The following WDR4 variants were observed in gnomAD, a reference collection of about 807,000 sequenced individuals.
WDR4 encodes the protein WDR4 tRNA N7-guanosine methyltransferase non-catalytic subunit.
A neutral mutation model predicts 48.6 loss-of-function variants in WDR4; 47 were observed. That is an observed-to-expected ratio of 0.97 (90% CI 0.77 to 1.23). The LOEUF (loss-of-function observed/expected upper bound fraction) is 1.23, where lower values mean the gene tolerates loss of function less well. Ranked by LOEUF, WDR4 falls within the 50% of genes most tolerant of loss-of-function variation. The pLI is 0.00. For synonymous variants in WDR4, 268 were observed against 230.0 expected (o/e 1.17, Z -1.49); for missense variants, 606 against 551.6 (o/e 1.10, Z -0.99).
chr21:42,866,500 G>A (rs1429918989), intron 3 of WDR4, among the ~76,000 whole-genome samples: 1 of 152,174 alleles, frequency 6.6e-6, no homozygotes, highest in African/African-American at 2.4e-5. Context: ...CTAAGCGTGG[G>A]CGGTTTTCTG....
At chr21:42,890,761 G>A in the WDR4 span, among the ~76,000 whole-genome samples, 3 of 152,160 alleles carry the variant, frequency 2.0e-5, no homozygotes, top group African/African-American at 4.8e-5. Flanking sequence ...CTCTGCTGTC[G>A]GAAAAATCTA....
At chr21:42,878,993 A>G (rs1013021725) in intron 1 of WDR4, 25 of 1,007,932 alleles carry the variant, frequency 2.5e-5, no homozygotes, top group Non-Finnish European at 3.0e-5. Context: ...CCTTCTCACC[A>G]GGGAGACCCG....
chr21:42,863,434 A>G lies in WDR4; in HGVS notation c.453+6T>C. The G allele has an allele frequency of 6.3e-7, 1 of 1,589,830 alleles. No individual in the cohort carries two copies. The highest frequency in any genetic ancestry group is 1.1e-5 in the South Asian group (1 of 89,354). The stretch of plus-strand genomic sequence containing the variant: ...ATGTCCCCCACCTACCACGTCCCCC[A>G]CCTACCACATCTAACAGCATAGACA... On this transcript the variant is annotated splice_donor_region_variant and intron_variant, in intron 4 of 10. Coordinates refer to ENST00000398208, the MANE Select transcript of WDR4 (RefSeq NM_018669.6).
rs781524711 is a variant in WDR4, at chr21:42,862,315, T to C, written c.533A>G (p.His178Arg). The C allele has an allele frequency of 1.1e-5, 17 of 1,611,268 alleles. No homozygotes were observed. The East Asian group carries it at 1.8e-4, about 17-fold the overall frequency. The change falls in exon 5 of 11, where the codon CAT (histidine) becomes CGT (arginine). Residue 178 changes from histidine to arginine, a missense_variant. By Grantham distance (29) the His-to-Arg change is conservative. Transcript: ENST00000398208. The surrounding 1 kb of genome is among the most constrained non-coding windows in gnomAD (Gnocchi z 4.3). ...KIRVSWAAAP[H>R]SIESFCLGHT... is the part of the protein sequence containing the mutation. ...CCCCAAGCAGAAGGACTCGATGCTA[T>C]GGGGCGCCGCGGCCCAGCTGACTCG...
At chr21:42,891,809 T>G in the WDR4 span, among the ~76,000 whole-genome samples, 1 of 151,812 alleles carries the variant, frequency 6.6e-6, no homozygotes, top group East Asian at 1.9e-4. Context: ...ATACAAAAAT[T>G]AGCCGGGCGT....
chr21:42,854,351 A>G (rs1453332055), intron 8 of WDR4, among the ~76,000 whole-genome samples: 1 of 152,220 alleles, frequency 6.6e-6, no homozygotes, highest in Non-Finnish European at 1.5e-5. Flanking sequence ...AGGGGAGTTC[A>G]ACGTCAGGTT....
At chr21:42,846,855 C>G (rs939042663), downstream of WDR4, among the ~76,000 whole-genome samples, 6 of 152,148 alleles carry the variant, frequency 3.9e-5, no homozygotes, top group African/African-American at 1.4e-4. Flanking sequence ...AACCCCATCT[C>G]TACTAAAAAT....
upstream of WDR4, among the ~76,000 whole-genome samples, chr21:42,882,702 CCT>C (rs2058616881): frequency 6.6e-6 from 1 of 152,100 alleles, no homozygotes; most frequent in Non-Finnish European, 1.5e-5. Context: ...GTGACTCACA[CCT>C]GTAATCCCAG....
intron 3 of WDR4, among the ~76,000 whole-genome samples, chr21:42,864,980 A>G (rs952731293): frequency 2.0e-5 from 3 of 152,204 alleles, no homozygotes; most frequent in African/African-American, 7.2e-5. Flanking sequence ...GCAGACAAGT[A>G]CAGGGCGCCC....
At chr21:42,857,841 A>G (rs183037558) in intron 6 of WDR4, among the ~76,000 whole-genome samples, 142 of 152,300 alleles carry the variant, frequency 9.3e-4, no homozygotes, top group African/African-American at 3.2e-3. Context: ...GCTCTCGCCT[A>G]TAATCCCAGT....
upstream of WDR4, among the ~76,000 whole-genome samples, chr21:42,884,154 T>C (rs1164649296): frequency 6.6e-6 from 1 of 152,226 alleles, no homozygotes; most frequent in Non-Finnish European, 1.5e-5. Context: ...ATATCACATA[T>C]ATCACATTTT....
intron 3 of WDR4, among the ~76,000 whole-genome samples, chr21:42,869,298 TC>T (rs2058316335): frequency 6.6e-6 from 1 of 152,152 alleles, no homozygotes; most frequent in East Asian, 1.9e-4. Context: ...GAGAATTCAC[TC>T]CCAACTTCTA....
Position 42,862,468 on chromosome 21 carries a change from G to A in WDR4, c.454-74C>T, listed in dbSNP as rs925929125. The A allele has an allele frequency of 3.5e-6, 5 of 1,416,102 alleles. No homozygotes were observed. The highest frequency in any genetic ancestry group is 4.8e-6 in the Non-Finnish European group (5 of 1,034,542). 87.7% of individuals were successfully genotyped at this position (1,416,102 alleles called of 1,614,324 possible). The stretch of plus-strand genomic sequence containing the variant: ...CCGAATCAAGTCCCTCATGGAAGAA[G>A]GCAGGGAAGCTGCAGCCTGGCCGCC... On this transcript the variant is annotated intron_variant, in intron 4 of 10. Coordinates refer to ENST00000398208, the MANE Select transcript of WDR4 (RefSeq NM_018669.6). This position sits in a 1 kb window ranked among gnomAD's most constrained non-coding sequence, Gnocchi z 4.3.
At chr21:42,891,631 C>G in the WDR4 span, among the ~76,000 whole-genome samples, 1 of 151,956 alleles carries the variant, frequency 6.6e-6, no homozygotes, top group African/African-American at 2.4e-5. Flanking sequence ...GACCTTTTCC[C>G]TGGACACAAC....
intron 10 of WDR4, among the ~76,000 whole-genome samples, chr21:42,851,713 C>G (rs1197205008): frequency 6.6e-6 from 1 of 152,222 alleles, no homozygotes; most frequent in African/African-American, 2.4e-5. Flanking sequence ...TGCTCTCCTT[C>G]CTGCAGCCGC....
rs1304653468 is a variant in WDR4 at position 42,850,461 on chromosome 21, T to C, written c.1046-219A>G. ...GGCTACTAACAGAACGGGGCAAAGA[T>C]GAAAGAATGTAATGGAAACCAGGGC... On this transcript the variant is annotated intron_variant, in intron 10 of 10. Coordinates refer to ENST00000398208, the MANE Select transcript of WDR4 (RefSeq NM_018669.6). 4.6e-5 allele frequency among the ~76,000 whole-genome samples: 7 copies of C among 152,076 alleles called. No homozygotes were observed. The South Asian group carries it at 1.5e-3, about 32-fold the overall frequency.
downstream of WDR4, among the ~76,000 whole-genome samples, chr21:42,846,269 AT>A (rs1264555778): frequency 6.6e-6 from 1 of 152,250 alleles, no homozygotes; most frequent in African/African-American, 2.4e-5. Flanking sequence ...AGTACTTGGC[AT>A]ACAGAGCACT....
downstream of WDR4, among the ~76,000 whole-genome samples, chr21:42,846,688 G>T (rs1026416298): frequency 2.0e-5 from 3 of 152,176 alleles, no homozygotes; most frequent in African/African-American, 7.2e-5. Flanking sequence ...ACTTCAGCCT[G>T]GGTGACAGAG....
chr21:42,849,050 C>T (rs1353271383), downstream of WDR4, among the ~76,000 whole-genome samples: 5 of 142,200 alleles, frequency 3.5e-5, no homozygotes, highest in African/African-American at 5.2e-5. Flanking sequence ...CGCACGATCA[C>T]GCGGCGTGCA....
Sources: gnomAD v4.1 joint callset for allele counts (sites outside exome capture counted in the v4.1 genomes callset) on GRCh38, gnomAD v4.1.1 for gene constraint, Gnocchi (gnomAD v3.1) non-coding constraint, MANE v1.5 for transcripts, NCBI Gene and HGNC (gene_info 2026-07-23, HGNC 2026-07-21) for gene names.